CHRM3: variants seen among roughly 807,000 people sequenced by gnomAD.
CHRM3 encodes muscarinic acetylcholine receptor M3.
In CHRM3, 11 loss-of-function variants were observed where a neutral mutation model predicts 41.8. The ratio of observed to expected loss-of-function variants is 0.26; its 90% CI spans 0.17 to 0.44. The LOEUF (loss-of-function observed/expected upper bound fraction) is 0.44. CHRM3 is among the 20% of genes least tolerant of loss of function. The pLI is 1.00. For synonymous variants in CHRM3, 297 were observed against 301.4 expected (o/e 0.99, Z 0.15); for missense variants, 571 against 745.4 (o/e 0.77, Z 2.72).
chr1:239,666,285 C>T (rs2149037292), intron 4 of CHRM3, among the ~76,000 whole-genome samples: 1 of 151,980 alleles, frequency 6.6e-6, no homozygotes, highest in African/African-American at 2.4e-5. Flanking sequence ...ACCTCCATCT[C>T]CCAGGTTCAA....
intron 4 of CHRM3, among the ~76,000 whole-genome samples, chr1:239,648,823 A>G (rs113388731): frequency 2.1e-3 from 320 of 152,278 alleles, no homozygotes; most frequent in African/African-American, 7.1e-3. Context: ...AGCAGATTCA[A>G]ACAGATTGAG....
chr1:239,529,173 T>C (rs1295126993), intron 2 of CHRM3, among the ~76,000 whole-genome samples: 1 of 152,190 alleles, frequency 6.6e-6, no homozygotes, highest in African/African-American at 2.4e-5. Flanking sequence ...TCTTGTTTTG[T>C]TTTTGGAGGT....
intron 4 of CHRM3, among the ~76,000 whole-genome samples, chr1:239,648,090 A>C (rs16838623): frequency 0.033 from 5,075 of 152,144 alleles, 125 homozygotes; most frequent in Admixed American, 0.059. Flanking sequence ...CTTAATTCTC[A>C]AGTTGCATTT....
At chr1:239,411,542 T>A (rs998760256) in intron 1 of CHRM3, among the ~76,000 whole-genome samples, 2 of 151,700 alleles carry the variant, frequency 1.3e-5, no homozygotes, top group African/African-American at 2.4e-5. Flanking sequence ...CTGGCCAACA[T>A]GGTGAAACCC....
chr1:239,874,299 A>ATATATATATATACACAG (rs1676896109), intron 6 of CHRM3, among the ~76,000 whole-genome samples: 1 of 116,702 alleles, frequency 8.6e-6, no homozygotes, highest in African/African-American at 3.9e-5. Context: ...ATATATATAT[A>ATATATATATATACACAG]TATATATATA....
intron 5 of CHRM3, among the ~76,000 whole-genome samples, chr1:239,772,431 A>G (rs755910524): frequency 1.3e-5 from 2 of 152,156 alleles, no homozygotes; most frequent in Non-Finnish European, 2.9e-5. Flanking sequence ...GATTACAGGC[A>G]TGAGCCACCA....
chr1:239,598,014 C>A (rs1004571539), intron 3 of CHRM3, among the ~76,000 whole-genome samples: 1 of 152,058 alleles, frequency 6.6e-6, no homozygotes, highest in African/African-American at 2.4e-5. Context: ...TTCACTTCTG[C>A]ATCATAAAAT....
At chr1:239,788,187 G>T (rs1329779174) in intron 5 of CHRM3, among the ~76,000 whole-genome samples, 1 of 152,072 alleles carries the variant, frequency 6.6e-6, no homozygotes, top group African/African-American at 2.4e-5. Context: ...AGTGAGTCAT[G>T]ATCACACTAC....
At chr1:239,610,667 T>C (rs144839614) in intron 3 of CHRM3, among the ~76,000 whole-genome samples, 30 of 152,312 alleles carry the variant, frequency 2.0e-4, no homozygotes, top group African/African-American at 6.0e-4. Context: ...CCCAAGGTCA[T>C]GAGTATGTGA....
rs534188553 is a variant in CHRM3 at position 239,608,889 on chromosome 1, T to A, written c.-312-23335T>A. Among the ~76,000 whole-genome samples the A allele has an allele frequency of 1.6e-3, 246 of 152,338 alleles. No homozygotes were observed. The Middle Eastern group carries it at 0.034, about 21-fold the overall frequency. On this transcript the variant is annotated intron_variant, in intron 3 of 6. Coordinates refer to ENST00000676153, the MANE Select transcript of CHRM3 (RefSeq NM_001375978.1). ...TTTGGTACAGATCCCCATTTTTTTT[T>A]AATTTTCTGTTTGCATACATTGCAG... is the stretch of plus-strand genomic sequence containing the variant.
intron 5 of CHRM3, among the ~76,000 whole-genome samples, chr1:239,729,640 A>G (rs1663774510): frequency 6.6e-6 from 1 of 151,956 alleles, no homozygotes; most frequent in Non-Finnish European, 1.5e-5. Flanking sequence ...GGTGAGATTG[A>G]TGGTGAGATT....
At chr1:239,597,323 C>T (rs1171230815) in intron 3 of CHRM3, among the ~76,000 whole-genome samples, 2 of 152,072 alleles carry the variant, frequency 1.3e-5, no homozygotes, top group Non-Finnish European at 2.9e-5. Context: ...TTTTTGTTTT[C>T]AATGGCCCTA....
At chr1:239,698,633 T>C (rs758052251) in intron 5 of CHRM3, among the ~76,000 whole-genome samples, 24 of 152,202 alleles carry the variant, frequency 1.6e-4, no homozygotes, top group Non-Finnish European at 3.2e-4. Context: ...ATCAAGCATA[T>C]ACACTTTTGG....
intron 3 of CHRM3, among the ~76,000 whole-genome samples, chr1:239,592,117 G>A (rs1216433297): frequency 6.6e-6 from 1 of 152,182 alleles, no homozygotes; most frequent in Non-Finnish European, 1.5e-5. Context: ...TTATTCATTT[G>A]AATTAGGCCT....
At chr1:239,607,077 G>T (rs546825629) in intron 3 of CHRM3, among the ~76,000 whole-genome samples, 1 of 152,054 alleles carries the variant, frequency 6.6e-6, no homozygotes, top group East Asian at 1.9e-4. Context: ...GTGAAAACGT[G>T]TGATTTTTTT....
chr1:239,909,060 A>G lies in CHRM3; in HGVS notation c.1609A>G (p.Ser537Gly). ...NLGYWLCYINSTVNPVCYALC... is the reference protein window; with the variant it reads ...NLGYWLCYINGTVNPVCYALC... ...GGGCTACTGGCTGTGCTACATCAAC[A>G]GCACCGTGAACCCCGTGTGCTATGC... is the stretch of plus-strand genomic sequence containing the variant. Residue 537 changes from serine (S) to glycine (G), a missense_variant, in exon 7 of 7, where the codon AGC becomes GGC. This residue lies in a region of CHRM3 where 43 missense variants were observed against 93.7 expected (regional missense o/e 0.46). Transcript: ENST00000676153. 6.2e-7 allele frequency: 1 copy of G among 1,614,198 alleles called. No individual in the cohort carries two copies. Among genetic ancestry groups the G allele is most frequent in the African/African-American group, 1.3e-5 (1 of 75,062 alleles).
intron 6 of CHRM3, among the ~76,000 whole-genome samples, chr1:239,893,927 G>A (rs1195356231): frequency 1.3e-5 from 2 of 151,770 alleles, no homozygotes; most frequent in Non-Finnish European, 2.9e-5. Context: ...AGGTTTTTCC[G>A]CTTTGTATCT....
intron 1 of CHRM3, among the ~76,000 whole-genome samples, chr1:239,434,857 A>G (rs967995953): frequency 6.6e-6 from 1 of 152,176 alleles, no homozygotes; most frequent in Non-Finnish European, 1.5e-5. Context: ...TTGAAAGGAA[A>G]CAATCATTGG....
intron 1 of CHRM3, among the ~76,000 whole-genome samples, chr1:239,460,192 G>T (rs1047303885): frequency 1.8e-4 from 28 of 152,190 alleles, no homozygotes; most frequent in Admixed American, 1.8e-3. Context: ...GTAAGAAAGT[G>T]TAAGGAGTAT....
Sources: allele counts gnomAD v4.1 joint callset (sites outside exome capture counted in the v4.1 genomes callset), GRCh38; gene constraint gnomAD v4.1.1; regional missense constraint gnomAD v4.1.1; transcripts MANE v1.5; gene names NCBI Gene and HGNC (gene_info 2026-07-23, HGNC 2026-07-21).